Variants in WDR7 observed in about 807,000 individuals in gnomAD.
The protein encoded by WDR7 is WD repeat domain 7, also known as WD repeat-containing protein 7.
A neutral mutation model predicts 169.4 loss-of-function variants in WDR7; 46 were observed. The ratio of observed to expected loss-of-function variants is 0.27; its 90% CI spans 0.21 to 0.35. The LOEUF (loss-of-function observed/expected upper bound fraction) is 0.35, where lower values mean the gene tolerates loss of function less well. Ranked by LOEUF, WDR7 falls within the 10% of genes least tolerant of loss-of-function variation. The probability of loss-of-function intolerance (pLI) is 1.00; values close to 1 mark genes in which losing one functional copy is unlikely to be tolerated. For missense variants in WDR7, 1,534 were observed against 1,859.3 expected (o/e 0.83, Z 3.22); for synonymous variants, 612 against 666.8 (o/e 0.92, Z 1.27).
chr18:56,731,629 T>C (rs1297932288), intron 14 of WDR7, 32 bp downstream of exon 14: 1 of 1,555,454 alleles, frequency 6.4e-7, no homozygotes, highest in East Asian at 2.3e-5. Context: ...ATGAAGTGTG[T>C]AGACCCCATT....
chr18:56,960,107 A>T (rs1034792576), intron 25 of WDR7, among the ~76,000 whole-genome samples: 6 of 152,244 alleles, frequency 3.9e-5, no homozygotes, highest in Non-Finnish European at 5.9e-5. Context: ...GTTATTGTTT[A>T]CAAGTATTAG....
intron 13 of WDR7, among the ~76,000 whole-genome samples, chr18:56,725,106 A>G (rs1598992563): frequency 6.6e-6 from 1 of 150,668 alleles, no homozygotes; most frequent in African/African-American, 2.5e-5. Flanking sequence ...TAGTGCTGCA[A>G]TAAACATATG....
At chr18:56,987,668 T>C (rs2047744115) in intron 26 of WDR7, among the ~76,000 whole-genome samples, 1 of 152,204 alleles carries the variant, frequency 6.6e-6, no homozygotes, top group Non-Finnish European at 1.5e-5. Context: ...GTGCTATGAT[T>C]TTTTTTCTTT....
intron 20 of WDR7, among the ~76,000 whole-genome samples, chr18:56,863,886 A>G (rs1488819311): frequency 6.6e-6 from 1 of 151,826 alleles, no homozygotes; most frequent in African/African-American, 2.4e-5. Context: ...TGGCCATTTT[A>G]TATCTCGAAA....
At chr18:56,748,830 CTTAATG>C (rs927972565) in intron 14 of WDR7, among the ~76,000 whole-genome samples, 2 of 152,008 alleles carry the variant, frequency 1.3e-5, no homozygotes, top group African/African-American at 4.8e-5. Context: ...TATCCTAACT[CTTAATG>C]TTAAGTAACA....
At chr18:56,819,362 T>C (rs1364630469) in intron 20 of WDR7, among the ~76,000 whole-genome samples, 1 of 152,070 alleles carries the variant, frequency 6.6e-6, no homozygotes, top group Non-Finnish European at 1.5e-5. Context: ...CACTCTGTCA[T>C]TTAAAAAATA....
intron 19 of WDR7, among the ~76,000 whole-genome samples, chr18:56,809,979 ATT>A (rs959973505): frequency 2.6e-5 from 4 of 152,020 alleles, no homozygotes; most frequent in African/African-American, 9.7e-5. Context: ...CACTGATTTC[ATT>A]TTTGTTTTGC....
intron 26 of WDR7, among the ~76,000 whole-genome samples, chr18:56,972,056 A>G (rs116451606): frequency 0.012 from 1,884 of 152,316 alleles, 55 homozygotes; most frequent in African/African-American, 0.043. Flanking sequence ...TTTGGGGGAA[A>G]GGGGACTTAG....
intron 20 of WDR7, among the ~76,000 whole-genome samples, chr18:56,846,509 C>T (rs1280620823): frequency 6.6e-6 from 1 of 152,152 alleles, no homozygotes; most frequent in Non-Finnish European, 1.5e-5. Flanking sequence ...TCACTTCCCT[C>T]CATGATTCTG....
chr18:56,658,386 G>A (rs999605989), intron 1 of WDR7, among the ~76,000 whole-genome samples: 2 of 152,152 alleles, frequency 1.3e-5, no homozygotes, highest in African/African-American at 4.8e-5. Flanking sequence ...TTAGTCATGA[G>A]CCACTGCGCC....
intron 21 of WDR7, among the ~76,000 whole-genome samples, chr18:56,887,756 A>G (rs183007985): frequency 2.6e-5 from 4 of 151,490 alleles, no homozygotes; most frequent in African/African-American, 9.7e-5. Context: ...TTGAATTGGG[A>G]TGTCTTAATT....
chr18:56,782,665 A>C (rs1443190820), intron 19 of WDR7, among the ~76,000 whole-genome samples: 2 of 152,154 alleles, frequency 1.3e-5, no homozygotes, highest in Non-Finnish European at 2.9e-5. Flanking sequence ...TATTCTTTGT[A>C]ATGAAATACT....
intron 21 of WDR7, among the ~76,000 whole-genome samples, chr18:56,905,608 ATATT>A (rs1461378505): frequency 7.8e-6 from 1 of 127,830 alleles, no homozygotes; most frequent in East Asian, 2.4e-4. Flanking sequence ...AATTTTATTT[ATATT>A]TATTATGAAA....
chr18:56,923,856 C>T, intron 21 of WDR7, 66 bp from the exon 22 acceptor site: 1 of 1,377,790 alleles, frequency 7.3e-7, no homozygotes, highest in Non-Finnish European at 9.6e-7. Context: ...TGAAAGTATG[C>T]TTCAAAAGAA....
chr18:56,724,266 C>T (rs2026390682), intron 13 of WDR7, among the ~76,000 whole-genome samples: 1 of 132,594 alleles, frequency 7.5e-6, no homozygotes, highest in African/African-American at 2.8e-5. Context: ...GGCTGGAGTG[C>T]AGTGGCCCAA....
chr18:56,682,579 T>C, intron 4 of WDR7, 100 bp from the exon 5 acceptor site: 1 of 1,338,170 alleles, frequency 7.5e-7, no homozygotes, highest in Non-Finnish European at 1.0e-6. Context: ...AGTTGAGCTT[T>C]AGGAGAATAT....
chr18:56,861,365 G>C (rs573661412), intron 20 of WDR7, among the ~76,000 whole-genome samples: 1 of 152,306 alleles, frequency 6.6e-6, no homozygotes, highest in Non-Finnish European at 1.5e-5. Flanking sequence ...AATAGAGTGT[G>C]TTCTGTATTC....
chr18:56,930,624 A>T (rs2046871565), intron 22 of WDR7, among the ~76,000 whole-genome samples: 1 of 152,228 alleles, frequency 6.6e-6, no homozygotes, highest in South Asian at 2.1e-4. Context: ...GGAATTGAAG[A>T]TATCTTGTGA....
intron 21 of WDR7, 113 bp from the exon 22 acceptor site, chr18:56,923,809 C>A (rs1038100705): frequency 1.9e-6 from 2 of 1,056,978 alleles, no homozygotes; most frequent in Non-Finnish European, 2.6e-6. Flanking sequence ...AGGTTCAATA[C>A]CTTTTTCAGT....
Sources: gnomAD v4.1 joint callset for allele counts (sites outside exome capture counted in the v4.1 genomes callset) on GRCh38, gnomAD v4.1.1 for gene constraint, MANE v1.5 for transcripts, NCBI Gene and HGNC (gene_info 2026-07-23, HGNC 2026-07-21) for gene names.